Variants in GPC5 observed in about 807,000 individuals in gnomAD.
The protein encoded by GPC5 is glypican-5.
GPC5 carries 47 observed loss-of-function variants against 53.9 expected under a neutral mutation model. The ratio of observed to expected loss-of-function variants is 0.87; its 90% CI spans 0.69 to 1.11. The LOEUF is 1.11. GPC5 is among the 50% of genes most tolerant of loss of function. The pLI, the probability that GPC5 is intolerant of heterozygous loss-of-function variation, is 0.00. For synonymous variants in GPC5, 286 were observed against 263.3 expected (o/e 1.09, Z -0.84); for missense variants, 748 against 713.1 (o/e 1.05, Z -0.56).
chr13:92,050,691 A>T (rs1013268116), intron 6 of GPC5, among the ~76,000 whole-genome samples: 1 of 152,208 alleles, frequency 6.6e-6, no homozygotes, highest in Non-Finnish European at 1.5e-5. Context: ...AACCTCAAAC[A>T]GGTGTTTTTC....
At chr13:91,920,220 C>A (rs1265098482) in intron 6 of GPC5, among the ~76,000 whole-genome samples, 1 of 151,896 alleles carries the variant, frequency 6.6e-6, no homozygotes, top group African/African-American at 2.4e-5. Flanking sequence ...AAACAGATTG[C>A]ATTCTTAAGA....
chr13:91,757,622 TGAA>T (rs2037323409), intron 5 of GPC5, among the ~76,000 whole-genome samples: 1 of 152,176 alleles, frequency 6.6e-6, no homozygotes, highest in Non-Finnish European at 1.5e-5. Context: ...TGCTGCCATG[TGAA>T]GAAGGACGTA....
At chr13:91,490,587 C>T (rs930009521) in intron 2 of GPC5, among the ~76,000 whole-genome samples, 1 of 152,106 alleles carries the variant, frequency 6.6e-6, no homozygotes, top group East Asian at 1.9e-4. Context: ...AATAAATATT[C>T]ATTGACTGCT....
At chr13:92,295,319 C>A (rs1368509182) in intron 7 of GPC5, among the ~76,000 whole-genome samples, 1 of 152,132 alleles carries the variant, frequency 6.6e-6, no homozygotes, top group Non-Finnish European at 1.5e-5. Context: ...TATGTATTTG[C>A]ATGGTTTTGA....
At chr13:92,819,624 T>G (rs1322363739) in intron 7 of GPC5, among the ~76,000 whole-genome samples, 1 of 152,220 alleles carries the variant, frequency 6.6e-6, no homozygotes, top group Admixed American at 6.5e-5. Flanking sequence ...TTAAGTCATA[T>G]GTTTTTCTAG....
intron 2 of GPC5, among the ~76,000 whole-genome samples, chr13:91,495,384 C>T (rs1489096549): frequency 5.9e-5 from 9 of 152,198 alleles, no homozygotes; most frequent in Admixed American, 2.6e-4. Context: ...CAAGCCATGT[C>T]ACTCCTTTTC....
At chr13:91,733,111 C>T (rs2036737618) in intron 4 of GPC5, among the ~76,000 whole-genome samples, 1 of 152,044 alleles carries the variant, frequency 6.6e-6, no homozygotes, top group South Asian at 2.1e-4. Flanking sequence ...TTACTTTGGG[C>T]AGTATGGCCA....
intron 7 of GPC5, among the ~76,000 whole-genome samples, chr13:92,256,916 G>GA: frequency 6.6e-6 from 1 of 152,038 alleles, no homozygotes; most frequent in Admixed American, 6.6e-5. Flanking sequence ...GCTTGAGAAA[G>GA]AAAAAACACA....
intron 7 of GPC5, among the ~76,000 whole-genome samples, chr13:92,188,831 C>T (rs1178704820): frequency 1.3e-5 from 2 of 152,202 alleles, no homozygotes; most frequent in Non-Finnish European, 1.5e-5. Context: ...TGCACATCAC[C>T]ATGCCACCCG....
rs867917426 is a variant in GPC5, at chr13:91,543,092, G to A, written c.325+94170G>A. Among the ~76,000 whole-genome samples, 8 of 152,110 alleles carry A rather than the reference G, an allele frequency of 5.3e-5. No individual in the cohort carries two copies. The South Asian group carries it at 1.0e-3, about 20-fold the overall frequency. ...AGGATGGTCTTGACCTCCTGACCTC[G>A]TAATCGGCCCTCCTGGGCCTCCCAA... On this transcript the variant is annotated intron_variant, in intron 2 of 7. Transcript: ENST00000377067.
chr13:92,554,270 A>G (rs1460040140), intron 7 of GPC5, among the ~76,000 whole-genome samples: 3 of 151,948 alleles, frequency 2.0e-5, no homozygotes, highest in Non-Finnish European at 4.4e-5. Context: ...GTACTCTTCT[A>G]TCTATAAACC....
At chr13:92,284,758 A>G (rs2042941633) in intron 7 of GPC5, among the ~76,000 whole-genome samples, 1 of 152,198 alleles carries the variant, frequency 6.6e-6, no homozygotes, top group Non-Finnish European at 1.5e-5. Context: ...AATAAGAGCT[A>G]TTTATGACAA....
At chr13:92,663,191 A>C (rs1566350189) in intron 7 of GPC5, among the ~76,000 whole-genome samples, 1 of 152,204 alleles carries the variant, frequency 6.6e-6, no homozygotes, top group African/African-American at 2.4e-5. Context: ...GTCTGATCTG[A>C]AATTCGGAGA....
At chr13:92,586,015 A>G (rs1303959677) in intron 7 of GPC5, among the ~76,000 whole-genome samples, 3 of 152,242 alleles carry the variant, frequency 2.0e-5, no homozygotes, top group Non-Finnish European at 2.9e-5. Flanking sequence ...AAACTGACTA[A>G]TACGCCTGGC....
At chr13:91,408,526 G>A (rs1217369997) in intron 1 of GPC5, among the ~76,000 whole-genome samples, 5 of 152,218 alleles carry the variant, frequency 3.3e-5, no homozygotes, top group Admixed American at 3.3e-4. Flanking sequence ...TAATTTTCGT[G>A]TATGAATTGT....
intron 7 of GPC5, among the ~76,000 whole-genome samples, chr13:92,737,285 G>A (rs1179978814): frequency 6.6e-6 from 1 of 151,984 alleles, no homozygotes; most frequent in Non-Finnish European, 1.5e-5. Context: ...AGTCAAAATA[G>A]TTCAGAAAAA....
chr13:92,550,018 CCT>C (rs1050854512), intron 7 of GPC5, among the ~76,000 whole-genome samples: 2 of 151,444 alleles, frequency 1.3e-5, no homozygotes, highest in African/African-American at 2.4e-5. Context: ...AATGTTTCCC[CCT>C]GTTTCTTAAG....
intron 7 of GPC5, among the ~76,000 whole-genome samples, chr13:92,436,073 T>G (rs2139379868): frequency 6.6e-6 from 1 of 152,292 alleles, no homozygotes; most frequent in African/African-American, 2.4e-5. Flanking sequence ...GATATTAAAA[T>G]TATTCATTCA....
chr13:92,477,622 A>C (rs1335518086), intron 7 of GPC5, among the ~76,000 whole-genome samples: 3 of 152,152 alleles, frequency 2.0e-5, no homozygotes, highest in Non-Finnish European at 4.4e-5. Flanking sequence ...TAATAAAAGT[A>C]GCTGTAGCCA....
Sources: gnomAD v4.1 joint callset for allele counts (sites outside exome capture counted in the v4.1 genomes callset) on GRCh38, gnomAD v4.1.1 for gene constraint, MANE v1.5 for transcripts, NCBI Gene and HGNC (gene_info 2026-07-23, HGNC 2026-07-21) for gene names.